Variants in SPATA21 observed in about 807,000 individuals in gnomAD.
SPATA21 encodes the protein spermatogenesis-associated protein 21.
Under a neutral mutation model 54.8 loss-of-function variants are expected in SPATA21, and 47 were observed. That is an observed-to-expected ratio of 0.86 (90% CI 0.68 to 1.09). The LOEUF (loss-of-function observed/expected upper bound fraction) is 1.09, where lower values mean the gene tolerates loss of function less well. SPATA21 is among the 50% of genes least tolerant of loss of function. SPATA21 has a pLI of 0.00. For missense variants in SPATA21, 599 were observed against 596.4 expected, an observed-to-expected ratio of 1.00 and a Z score of -0.05; for synonymous variants, 245 against 235.3, an observed-to-expected ratio of 1.04 and a Z score of -0.38.
chr1:16,421,457 C>G lies in SPATA21; in HGVS notation c.144+52G>C, dbSNP rs372849041. ...TGCCCTCTTCCTCCTCCTGATCCCC[C>G]CTGCCTTTCTCCTACACAGCTCGTC... On this transcript the variant is annotated intron_variant, in intron 5 of 12. Coordinates refer to ENST00000335496, the MANE Select transcript of SPATA21 (RefSeq NM_198546.1). The surrounding 1 kb of genome is among the most constrained non-coding windows in gnomAD (Gnocchi z 5.2). 42 of 1,548,026 alleles carry G rather than the reference C, an allele frequency of 2.7e-5. No homozygotes were observed. The South Asian group carries it at 4.5e-4, about 17-fold the overall frequency.
intron 10 of SPATA21, among the ~76,000 whole-genome samples, chr1:16,403,085 G>C (rs1385737815): frequency 6.6e-6 from 1 of 152,168 alleles, no homozygotes; most frequent in African/African-American, 2.4e-5. Context: ...TCTAGCCCTG[G>C]AATGTTCATG....
At chr1:16,423,633 T>A (rs1370054541) in intron 3 of SPATA21, among the ~76,000 whole-genome samples, 3 of 133,810 alleles carry the variant, frequency 2.2e-5, no homozygotes, top group African/African-American at 8.4e-5. Flanking sequence ...AACCTCCGCC[T>A]CCCAGGTTCA....
intron 7 of SPATA21, among the ~76,000 whole-genome samples, chr1:16,406,667 C>T (rs898362758): frequency 3.9e-5 from 6 of 152,144 alleles, no homozygotes; most frequent in South Asian, 2.1e-4. Flanking sequence ...ACTTGATCCC[C>T]GAAGGTGGAG....
intron 3 of SPATA21, chr1:16,425,764 C>A: frequency 6.5e-7 from 1 of 1,527,176 alleles, no homozygotes; most frequent in South Asian, 1.2e-5. Context: ...CACTTTAGCT[C>A]CCAGACTGGG....
At position 16,403,801 on chromosome 1, in the gene SPATA21, AGT is replaced by A. The variant is rs1330553464; in HGVS notation, c.925_926del (p.Thr309SerfsTer4). On this transcript the variant is annotated frameshift_variant, in exon 10 of 13. Transcript: ENST00000335496. LOFTEE classifies it high-confidence loss of function. The part of the protein sequence containing the change: ...LSDMAPHNPH[T>X]LLFEILSLLV... ...GCAGGGACAGGATCTCAAAGAGTAG[AGT>A]GTGGGGGTTGTGGGGAGCCATGTCC... 6.2e-7 allele frequency: 1 copy of A among 1,612,612 alleles called. No homozygotes were observed. Among genetic ancestry groups the A allele is most frequent in the South Asian group, 1.1e-5 (1 of 90,820 alleles).
chr1:16,414,893 C>CAAAAAAAAAAAAA, intron 5 of SPATA21, among the ~76,000 whole-genome samples: 2 of 74,328 alleles, frequency 2.7e-5, no homozygotes, highest in Non-Finnish European at 2.3e-5. Flanking sequence ...AACCTCATCT[C>CAAAAAAAAAAAAA]AAAAAAAAAA....
chr1:16,424,890 G>T, intron 3 of SPATA21: 1 of 279,098 alleles, frequency 3.6e-6, no homozygotes, highest in Non-Finnish European at 7.0e-6. Flanking sequence ...ATACCGTGGG[G>T]CCACTCTGGA....
In SPATA21 at chr1:16,401,487, G is replaced by C. The variant is rs187928018; in HGVS notation, c.1002-595C>G. ...ATTTTTTTATTTTGTGTAGAGACGT[G>C]GTCTCGCTGTGTTGCCCAGGCTGGT... On this transcript the variant is annotated intron_variant, in intron 10 of 12. Transcript: ENST00000335496. Among the ~76,000 whole-genome samples the C allele has an allele frequency of 7.8e-4, 119 of 152,130 alleles. 1 individual carries two copies. The highest frequency in any genetic ancestry group is 2.8e-3 in the African/African-American group (116 of 41,508).
Position 16,428,139 on chromosome 1 carries a change from T to C in SPATA21, c.34+3199A>G, listed in dbSNP as rs377615403. 1.6e-4 allele frequency: 202 copies of C among 1,283,804 alleles called. 6 individuals are homozygous for C. The East Asian group carries it at 4.7e-3, about 30-fold the overall frequency. 79.5% of individuals were successfully genotyped at this position (1,283,804 alleles called of 1,614,324 possible). A position where few individuals can be genotyped will look rare whatever the true frequency, so the allele number is the denominator to read the frequency against. On this transcript the variant is annotated intron_variant, in intron 3 of 12. Coordinates refer to ENST00000335496, the MANE Select transcript of SPATA21 (RefSeq NM_198546.1). The surrounding 1 kb of genome is among the most constrained non-coding windows in gnomAD (Gnocchi z 4.3). ...AAGGACAGGGAGATCCTGTGCCTGA[T>C]TGGGGAAGCTGTTGGAGAGGGGTGA...
At chr1:16,395,856 C>T (rs1312603740), downstream of SPATA21, 1 of 153,072 alleles carries the variant, frequency 6.5e-6, no homozygotes, top group African/African-American at 2.4e-5. Flanking sequence ...AGACGAGCAC[C>T]CCATGCCTAT....
At chr1:16,420,219 A>G (rs867840903) in intron 5 of SPATA21, among the ~76,000 whole-genome samples, 30 of 152,178 alleles carry the variant, frequency 2.0e-4, no homozygotes, top group African/African-American at 6.7e-4. Flanking sequence ...CTCTGTAAGG[A>G]CAGAGCTCTT....
At chr1:16,427,558 A>T (rs547161475) in intron 3 of SPATA21, among the ~76,000 whole-genome samples, 3 of 152,196 alleles carry the variant, frequency 2.0e-5, no homozygotes, top group African/African-American at 7.2e-5. Flanking sequence ...CAGTGAATCA[A>T]TATTTATCGA....
At chr1:16,402,135 G>A (rs544341396) in intron 10 of SPATA21, among the ~76,000 whole-genome samples, 45 of 151,946 alleles carry the variant, frequency 3.0e-4, no homozygotes, top group African/African-American at 8.9e-4. Flanking sequence ...TCTGACACAC[G>A]TGCAACCCAG....
chr1:16,400,869 T>C lies in SPATA21; in HGVS notation c.1025A>G (p.Glu342Gly). ...CATCTCCTGGGCCTTGCAGGTGCCT[T>C]CCTTCAGCTTTTTCTGGTAGTAGCT... is the stretch of plus-strand genomic sequence containing the variant. ...ITNYYQKKLK[E>G]GTCKAQEMEA... is the part of the protein sequence containing the mutation. The change falls in exon 11 of 13, where the codon GAA becomes GGA. Residue 342 changes from glutamate (E) to glycine (G), a missense_variant. Transcript: ENST00000335496. 1 of 1,612,978 alleles carries C rather than the reference T, an allele frequency of 6.2e-7. No individual in the cohort carries two copies. Among genetic ancestry groups the C allele is most frequent in the East Asian group, 2.2e-5 (1 of 44,874 alleles).
intron 5 of SPATA21, among the ~76,000 whole-genome samples, chr1:16,414,156 C>T (rs969655425): frequency 6.6e-6 from 1 of 152,000 alleles, no homozygotes; most frequent in Non-Finnish European, 1.5e-5. Flanking sequence ...ACCTCCGCCT[C>T]CCGGGTTCAA....
Position 16,428,004 on chromosome 1 carries a change from C to A in SPATA21, c.34+3334G>T. Reference sequence around the variant, plus strand: ...TCTTGCTGCCCACTTCCGAAGCATCCGGAAACATGACCTGGACAGAGATAT... The same window carrying A: ...TCTTGCTGCCCACTTCCGAAGCATCAGGAAACATGACCTGGACAGAGATAT... On this transcript the variant is annotated intron_variant, in intron 3 of 12. Coordinates refer to ENST00000335496, the MANE Select transcript of SPATA21 (RefSeq NM_198546.1). This position sits in a 1 kb window ranked among gnomAD's most constrained non-coding sequence, Gnocchi z 4.3. The A allele has an allele frequency of 2.6e-6, 4 of 1,548,854 alleles. No homozygotes were observed. The highest frequency in any genetic ancestry group is 3.5e-6 in the Non-Finnish European group (4 of 1,145,774).
chr1:16,400,415 T>G (rs1198169867), intron 11 of SPATA21: 1 of 1,085,728 alleles, frequency 9.2e-7, no homozygotes, highest in East Asian at 6.0e-5. Context: ...GGGCACTCAA[T>G]AAACAGTGAG....
chr1:16,425,616 G>A (rs1055638920), intron 3 of SPATA21: 7 of 1,550,166 alleles, frequency 4.5e-6, no homozygotes, highest in Non-Finnish European at 5.2e-6. Context: ...CCCAGCTGCT[G>A]CAGCCCTTCA....
intron 3 of SPATA21, among the ~76,000 whole-genome samples, chr1:16,429,171 C>A (rs1028357403): frequency 7.0e-6 from 1 of 143,576 alleles, no homozygotes; most frequent in African/African-American, 2.6e-5. Context: ...CTTTTTTTTT[C>A]TTTTCCTTTT....
Sources: allele counts gnomAD v4.1 joint callset (sites outside exome capture counted in the v4.1 genomes callset), GRCh38; gene constraint gnomAD v4.1.1; non-coding constraint Gnocchi (gnomAD v3.1); transcripts MANE v1.5; gene names NCBI Gene and HGNC (gene_info 2026-07-23, HGNC 2026-07-21).